Variants in NLGN1 observed in about 807,000 individuals in gnomAD.
The protein encoded by NLGN1 is neuroligin-1.
Under a neutral mutation model 65.5 loss-of-function variants are expected in NLGN1, and 12 were observed. That is an observed-to-expected ratio of 0.18 (90% CI 0.12 to 0.30). The LOEUF is 0.30. Among genes scored for constraint, NLGN1 ranks in the 10% least tolerant of loss-of-function variants. The pLI is 1.00. For missense variants in NLGN1, 750 were observed against 1,007.1 expected (o/e 0.74, Z 3.46); for synonymous variants, 350 against 359.5 (o/e 0.97, Z 0.30).
intron 4 of NLGN1, among the ~76,000 whole-genome samples, chr3:174,228,330 T>G (rs1175570453): frequency 6.6e-6 from 1 of 152,112 alleles, no homozygotes; most frequent in African/African-American, 2.4e-5. Flanking sequence ...GAACAACTTT[T>G]GCAAATCAAA....
In NLGN1 at chr3:173,575,474, C is replaced by T. The variant is rs186208041; in HGVS notation, c.-320-28805C>T. Among the ~76,000 whole-genome samples, 35 of 152,084 alleles carry T rather than the reference C, an allele frequency of 2.3e-4. No individual in the cohort carries two copies. In the East Asian group the frequency reaches 6.4e-3, roughly 28 times the overall value. ...AAATCTTAAAACAAATTTAAGTTAC[C>T]TTCAGGCATTCTTATTTCTTCACCA... is the stretch of plus-strand genomic sequence containing the variant. On this transcript the variant is annotated intron_variant, in intron 2 of 6. Transcript: ENST00000457714.
At chr3:173,816,284 T>C (rs1283182972) in intron 4 of NLGN1, among the ~76,000 whole-genome samples, 1 of 152,116 alleles carries the variant, frequency 6.6e-6, no homozygotes, top group Non-Finnish European at 1.5e-5. Flanking sequence ...GATTGCATTA[T>C]TACATTCTCA....
At chr3:173,928,424 T>G (rs1440541073) in intron 4 of NLGN1, among the ~76,000 whole-genome samples, 2 of 152,180 alleles carry the variant, frequency 1.3e-5, no homozygotes, top group South Asian at 4.1e-4. Flanking sequence ...CAAAATAATC[T>G]TAAAAATACT....
chr3:174,190,403 A>G (rs1421433), intron 4 of NLGN1, among the ~76,000 whole-genome samples: 115,117 of 151,832 alleles, frequency 0.76, 43,742 homozygotes, highest in East Asian at 0.83. Context: ...CTGGAGAAGT[A>G]CATTTATCAT....
chr3:174,063,546 G>A (rs1299687079), intron 4 of NLGN1, among the ~76,000 whole-genome samples: 1 of 151,960 alleles, frequency 6.6e-6, no homozygotes. Flanking sequence ...ATATATAGAT[G>A]TAAAATATGA....
intron 1 of NLGN1, among the ~76,000 whole-genome samples, chr3:173,415,907 A>AGAGAGAGAGAGG (rs1201179542): frequency 7.5e-6 from 1 of 132,794 alleles, no homozygotes; most frequent in African/African-American, 3.6e-5. Flanking sequence ...ATATATATAG[A>AGAGAGAGAGAGG]GAGAGAGAGA....
chr3:173,586,024 G>C (rs901305951), intron 2 of NLGN1, among the ~76,000 whole-genome samples: 13 of 152,092 alleles, frequency 8.5e-5, no homozygotes, highest in African/African-American at 1.2e-4. Context: ...TGGAGTCCAC[G>C]TAGCTTCAGA....
At chr3:173,409,549 C>T (rs963581393) in intron 1 of NLGN1, among the ~76,000 whole-genome samples, 7 of 152,066 alleles carry the variant, frequency 4.6e-5, no homozygotes, top group African/African-American at 1.4e-4. Flanking sequence ...TTATTTCTTT[C>T]CCCCATTTCC....
intron 3 of NLGN1, among the ~76,000 whole-genome samples, chr3:173,624,511 A>G (rs527751333): frequency 3.9e-5 from 6 of 152,260 alleles, no homozygotes; most frequent in South Asian, 2.1e-4. Flanking sequence ...CCCACCTCCT[A>G]CAATGAATTA....
At chr3:174,101,016 G>A (rs2152574144) in intron 4 of NLGN1, among the ~76,000 whole-genome samples, 1 of 152,118 alleles carries the variant, frequency 6.6e-6, no homozygotes, top group Admixed American at 6.6e-5. Context: ...AGTCAGCCAG[G>A]CCTATTTTCA....
rs143381645 is a variant in NLGN1 at position 173,405,209 on chromosome 3, G to A, written c.-390+6722G>A. 6.3e-3 allele frequency among the ~76,000 whole-genome samples: 963 copies of A among 152,118 alleles called. 10 individuals are homozygous for A. Among genetic ancestry groups the A allele is most frequent in the African/African-American group, 0.022 (917 of 41,510 alleles). ...TGTCTCCAGAATTTAATTCCAAGCA[G>A]CTGATACCTTCTGAATGATTTGATC... is the stretch of plus-strand genomic sequence containing the variant. On this transcript the variant is annotated intron_variant, in intron 1 of 6. Transcript: ENST00000457714.
chr3:173,743,423 T>A (rs1348667526), intron 3 of NLGN1, among the ~76,000 whole-genome samples: 1 of 152,104 alleles, frequency 6.6e-6, no homozygotes, highest in Admixed American at 6.6e-5. Flanking sequence ...TATATTATAT[T>A]TTCTTCTTTG....
At chr3:173,562,506 G>T (rs1358563561) in intron 2 of NLGN1, among the ~76,000 whole-genome samples, 2 of 151,910 alleles carry the variant, frequency 1.3e-5, no homozygotes, top group Non-Finnish European at 2.9e-5. Flanking sequence ...GGCAGAGGTT[G>T]CAGTGAGCCG....
At chr3:174,258,954 AT>A (rs779206806) in intron 4 of NLGN1, among the ~76,000 whole-genome samples, 5 of 152,084 alleles carry the variant, frequency 3.3e-5, no homozygotes, top group Non-Finnish European at 7.4e-5. Flanking sequence ...TCTTTCCACC[AT>A]TTTTTAAATG....
At chr3:173,410,267 C>G (rs1387246072) in intron 1 of NLGN1, among the ~76,000 whole-genome samples, 1 of 152,180 alleles carries the variant, frequency 6.6e-6, no homozygotes, top group Non-Finnish European at 1.5e-5. Flanking sequence ...TTGCCTGGCA[C>G]ATAAAAATGT....
chr3:173,415,836 C>T (rs1242870038), intron 1 of NLGN1, among the ~76,000 whole-genome samples: 1 of 150,734 alleles, frequency 6.6e-6, no homozygotes, highest in African/African-American at 2.5e-5. Flanking sequence ...TTCAGTTTCC[C>T]TATTGATAAA....
intron 4 of NLGN1, among the ~76,000 whole-genome samples, chr3:174,263,214 C>T (rs1271403992): frequency 2.7e-5 from 4 of 150,544 alleles, no homozygotes. Flanking sequence ...TGGTGCAGAG[C>T]TGAGTTCAAT....
intron 2 of NLGN1, among the ~76,000 whole-genome samples, chr3:173,518,173 C>A (rs974162537): frequency 2.0e-5 from 3 of 152,104 alleles, no homozygotes; most frequent in Non-Finnish European, 2.9e-5. Context: ...AGACAAATTT[C>A]TTTTTGCCAA....
At chr3:174,029,814 A>G (rs1021732221) in intron 4 of NLGN1, among the ~76,000 whole-genome samples, 2 of 152,124 alleles carry the variant, frequency 1.3e-5, no homozygotes, top group Admixed American at 6.6e-5. Flanking sequence ...GGTTTTATAA[A>G]TGGGAGTTCC....
Sources: allele counts gnomAD v4.1 joint callset (sites outside exome capture counted in the v4.1 genomes callset), GRCh38; gene constraint gnomAD v4.1.1; transcripts MANE v1.5; gene names NCBI Gene and HGNC (gene_info 2026-07-23, HGNC 2026-07-21).